TMEM230: variants seen among roughly 807,000 people sequenced by gnomAD.
TMEM230 encodes the protein transmembrane protein 230.
In TMEM230, 10 loss-of-function variants were observed where a neutral mutation model predicts 15.8. The ratio of observed to expected loss-of-function variants is 0.63; its 90% CI spans 0.39 to 1.07. TMEM230 has a LOEUF of 1.07. TMEM230 is among the 50% of genes least tolerant of loss of function. The pLI, the probability that TMEM230 is intolerant of heterozygous loss-of-function variation, is 0.01. For missense variants in TMEM230, 165 were observed against 193.3 expected (o/e 0.85, Z 0.87); for synonymous variants, 67 against 76.9 (o/e 0.87, Z 0.68).
intron 3 of TMEM230, among the ~76,000 whole-genome samples, chr20:5,071,888 T>C (rs2122546496): frequency 1.3e-5 from 2 of 151,916 alleles, no homozygotes; most frequent in African/African-American, 4.8e-5. Flanking sequence ...TACAGGTGTG[T>C]GCCACCACGC....
In TMEM230 at chr20:5,100,019, C is replaced by T; in HGVS notation, c.*772G>A. On this transcript the variant is annotated 3_prime_UTR_variant, in exon 5 of 5. Transcript: ENST00000342308. ...TCATGAGCAGAATGATGACATACTA[C>T]AAGGTGCTAGCAATACGGCTATAAA... 2 of 985,342 alleles carry T rather than the reference C, an allele frequency of 2.0e-6. No homozygotes were observed. The highest frequency in any genetic ancestry group is 1.7e-5 in the African/African-American group (1 of 57,324). 61.0% of individuals were successfully genotyped at this position (985,342 alleles called of 1,614,324 possible). A position where few individuals can be genotyped will look rare whatever the true frequency, so the allele number is the denominator to read the frequency against.
At chr20:5,097,492 A>G (rs1413194933), downstream of TMEM230, among the ~76,000 whole-genome samples, 1 of 152,178 alleles carries the variant, frequency 6.6e-6, no homozygotes, top group Non-Finnish European at 1.5e-5. Flanking sequence ...TTCAGGTAAA[A>G]TATACATCTG....
Position 5,106,265 on chromosome 20 carries a change from C to T in TMEM230, c.334G>A (p.Ala112Thr). ...GCGCCAATCAAAAACAGCACAGTGGCAAGTGCGATGGCCTTATAAGGGATC... is the reference window on the plus strand; with the variant it reads ...GCGCCAATCAAAAACAGCACAGTGGTAAGTGCGATGGCCTTATAAGGGATC... The change falls in exon 4 of 5, where the codon GCC becomes ACC. Residue 112 changes from alanine to threonine, a missense_variant. By Grantham distance (58) the Ala-to-Thr change is moderately conservative. Coordinates refer to ENST00000342308, the MANE Select transcript of TMEM230 (RefSeq NM_001009923.2). The T allele has an allele frequency of 1.9e-6, 3 of 1,614,052 alleles. No homozygotes were observed. Among genetic ancestry groups the T allele is most frequent in the Non-Finnish European group, 1.7e-6 (2 of 1,179,986 alleles).
chr20:5,110,475 G>C (rs1470342656), intron 2 of TMEM230, among the ~76,000 whole-genome samples: 5 of 152,004 alleles, frequency 3.3e-5, no homozygotes, highest in Admixed American at 6.6e-5. Flanking sequence ...AGTAGAGATG[G>C]GGTTTTACCA....
intron 3 of TMEM230, among the ~76,000 whole-genome samples, chr20:5,082,634 G>C (rs1398631682): frequency 6.6e-6 from 1 of 151,824 alleles, no homozygotes; most frequent in Non-Finnish European, 1.5e-5. Context: ...GTAGAGACAG[G>C]GTTTCACCAT....
chr20:5,074,492 A>G (rs418062), intron 3 of TMEM230, among the ~76,000 whole-genome samples: 83,497 of 151,340 alleles, frequency 0.55, 23,505 homozygotes, highest in East Asian at 0.83. Context: ...ACAATTTGTC[A>G]CCCTTTGTTA....
chr20:5,062,999 A>G, the TMEM230 span, among the ~76,000 whole-genome samples: 1 of 152,160 alleles, frequency 6.6e-6, no homozygotes, highest in East Asian at 1.9e-4. Flanking sequence ...TGAGCACCAT[A>G]TTGCCTTCAT....
chr20:5,101,291 T>C (rs6053111), intron 4 of TMEM230, among the ~76,000 whole-genome samples: 104,746 of 152,120 alleles, frequency 0.69, 36,896 homozygotes, highest in East Asian at 0.85. Flanking sequence ...ATGGACATAC[T>C]ACAGTTTTAC....
rs1036722882 is a variant in TMEM230, at chr20:5,089,695, T to A, written c.222+16493A>T. Among the ~76,000 whole-genome samples, 13 of 151,138 alleles carry A rather than the reference T, an allele frequency of 8.6e-5. No homozygotes were observed. The South Asian group carries it at 2.5e-3, about 29-fold the overall frequency. On this transcript the variant is annotated intron_variant, in intron 3 of 3. Transcript: ENST00000612323. The stretch of plus-strand genomic sequence containing the variant: ...CAGCCTGGGCAACAGAGTGAGACTC[T>A]GTCTTAAAAAAGGAAAAACAAAAAC...
intron 3 of TMEM230, among the ~76,000 whole-genome samples, chr20:5,089,986 T>C (rs2089461515): frequency 6.6e-6 from 1 of 151,826 alleles, no homozygotes; most frequent in Admixed American, 6.6e-5. Context: ...ACTGCACTCC[T>C]CCCTGGGTGG....
At chr20:5,063,009 T>A in the TMEM230 span, among the ~76,000 whole-genome samples, 13 of 152,126 alleles carry the variant, frequency 8.5e-5, no homozygotes, top group Non-Finnish European at 1.6e-4. Context: ...ATTGCCTTCA[T>A]AAGTTACGAG....
chr20:5,063,277 A>ATTTTTTTTTTTT (rs1165126313), downstream of TMEM230, among the ~76,000 whole-genome samples: 3 of 86,412 alleles, frequency 3.5e-5, no homozygotes, highest in Non-Finnish European at 6.1e-5. Flanking sequence ...GCTGCTATGA[A>ATTTTTTTTTTTT]TTTTTTTTTT....
downstream of TMEM230, among the ~76,000 whole-genome samples, chr20:5,099,235 TC>T (rs879656531): frequency 0.21 from 7,088 of 33,296 alleles, 242 homozygotes; most frequent in East Asian, 0.44. Flanking sequence ...AATAAATAAA[TC>T]AATCAATCAA....
chr20:5,081,130 A>ATAAG (rs1345534320), intron 3 of TMEM230, among the ~76,000 whole-genome samples: 1 of 152,240 alleles, frequency 6.6e-6, no homozygotes, highest in African/African-American at 2.4e-5. Context: ...AGATTGTTTG[A>ATAAG]TAAGTGCTTC....
rs570969140 is a variant in TMEM230 at position 5,090,139 on chromosome 20, T to G, written c.222+16049A>C. Among the ~76,000 whole-genome samples the G allele has an allele frequency of 5.3e-5, 8 of 151,988 alleles. No individual in the cohort carries two copies. The East Asian group carries it at 1.4e-3, about 26-fold the overall frequency. ...AAAAATATGAAAAATAGAAAAGGAC[T>G]GACATCTAATGAAAAAATTCCAGAA... On this transcript the variant is annotated intron_variant, in intron 3 of 3. Transcript: ENST00000612323.
At chr20:5,092,823 A>C (rs2122666876) in intron 3 of TMEM230, among the ~76,000 whole-genome samples, 1 of 152,328 alleles carries the variant, frequency 6.6e-6, no homozygotes, top group Non-Finnish European at 1.5e-5. Context: ...CTTTCATGGT[A>C]AAAACTCTCA....
intron 4 of TMEM230, among the ~76,000 whole-genome samples, chr20:5,105,326 G>GTA (rs901711312): frequency 2.6e-5 from 4 of 151,252 alleles, no homozygotes; most frequent in African/African-American, 9.7e-5. Flanking sequence ...ATGTGTATAT[G>GTA]TATATATATA....
exon 4 of TMEM230, chr20:5,069,264 C>T: frequency 6.5e-7 from 1 of 1,536,056 alleles, no homozygotes; most frequent in Non-Finnish European, 8.7e-7. Context: ...ACTCCTCCCA[C>T]TGATGCCTCC....
chr20:5,078,693 C>T (rs764678511), intron 3 of TMEM230, among the ~76,000 whole-genome samples: 1 of 152,224 alleles, frequency 6.6e-6, no homozygotes, highest in Non-Finnish European at 1.5e-5. Flanking sequence ...CTTGAACTCA[C>T]ATTTCCTCGC....
Sources: gnomAD v4.1 joint callset for allele counts (sites outside exome capture counted in the v4.1 genomes callset) on GRCh38, gnomAD v4.1.1 for gene constraint, MANE v1.5 for transcripts, NCBI Gene and HGNC (gene_info 2026-07-23, HGNC 2026-07-21) for gene names.